TENM1: variants seen among roughly 807,000 people sequenced by gnomAD.
TENM1 encodes the protein teneurin-1.
TENM1 carries 35 observed loss-of-function variants against 174.8 expected under a neutral mutation model. That is an observed-to-expected ratio of 0.20 (90% CI 0.15 to 0.27). The LOEUF (loss-of-function observed/expected upper bound fraction) is 0.27. TENM1 is among the 10% of genes least tolerant of loss of function. The pLI is 1.00. For synonymous variants in TENM1, 781 were observed against 798.7 expected (o/e 0.98, Z 0.37); for missense variants, 1,633 against 2,130.1 (o/e 0.77, Z 4.59).
At chrX:124,673,522 A>C in intron 5 of TENM1, among the ~76,000 whole-genome samples, 2 of 111,771 alleles carry the variant, frequency 1.8e-5, no homozygotes, top group South Asian at 7.5e-4. Flanking sequence ...ATGGAGAAGA[A>C]TGAATTGGAG....
At chrX:124,376,380 A>G (rs2060103516) in exon 32 of TENM1, 1 of 112,445 alleles carries the variant, frequency 8.9e-6, no homozygotes, top group Admixed American at 9.4e-5. Context: ...AATAGTAAAG[A>G]TTTAGACGTT....
At chrX:124,626,678 A>G (rs1384040828) in intron 11 of TENM1, among the ~76,000 whole-genome samples, 1 of 112,143 alleles carries the variant, frequency 8.9e-6, no homozygotes, top group East Asian at 2.8e-4. Context: ...TGGTAGAGTT[A>G]ATCATTCCTT....
chrX:124,677,063 A>AT (rs2052107608), intron 5 of TENM1, among the ~76,000 whole-genome samples: 1 of 110,910 alleles, frequency 9.0e-6, no homozygotes, highest in Non-Finnish European at 1.9e-5. Flanking sequence ...ATATTTTTAT[A>AT]TTATTTACAC....
At chrX:125,112,003 A>G in the TENM1 span, among the ~76,000 whole-genome samples, 4 of 111,053 alleles carry the variant, frequency 3.6e-5, no homozygotes, top group Non-Finnish European at 3.8e-5. Flanking sequence ...TTCCATAATA[A>G]TCTTTCTTTA....
At chrX:124,690,155 C>T (rs1419055823) in intron 5 of TENM1, among the ~76,000 whole-genome samples, 1 of 111,501 alleles carries the variant, frequency 9.0e-6, no homozygotes, top group Admixed American at 9.5e-5. Context: ...TAATCAATTA[C>T]CACCATTCTT....
the TENM1 span, among the ~76,000 whole-genome samples, chrX:125,200,325 A>G: frequency 5.4e-5 from 6 of 111,398 alleles, no homozygotes; most frequent in African/African-American, 2.0e-4. Flanking sequence ...ATATGTGAGC[A>G]TTTCTGAAAT....
exon 10 of TENM1, chrX:124,645,277 C>T (rs374959210): frequency 1.2e-5 from 15 of 1,209,881 alleles, no homozygotes; most frequent in Admixed American, 4.4e-5. Flanking sequence ...CCAGCCATGC[C>T]GGCAGACACA....
At chrX:124,500,614 G>A (rs1361175296) in intron 19 of TENM1, among the ~76,000 whole-genome samples, 1 of 111,479 alleles carries the variant, frequency 9.0e-6, no homozygotes, top group Non-Finnish European at 1.9e-5. Context: ...AAACCCCACT[G>A]AATGGGGCTT....
intron 22 of TENM1, among the ~76,000 whole-genome samples, chrX:124,466,601 C>T (rs1373365944): frequency 2.7e-5 from 3 of 111,596 alleles, no homozygotes; most frequent in Non-Finnish European, 5.6e-5. Context: ...AAAAAGTGCC[C>T]AGCATTCGTA....
intron 14 of TENM1, among the ~76,000 whole-genome samples, chrX:124,555,280 C>T (rs948132043): frequency 1.8e-5 from 2 of 111,698 alleles, no homozygotes; most frequent in African/African-American, 6.5e-5. Context: ...CTGTCTGGAA[C>T]GTTTTTCCCC....
In TENM1 at chrX:124,684,587, A is replaced by C. The variant is rs769494456; in HGVS notation, c.1016-12752T>G. Among the ~76,000 whole-genome samples, 9 of 112,014 alleles carry C rather than the reference A, an allele frequency of 8.0e-5. No individual in the cohort carries two copies. The East Asian group carries it at 1.7e-3, about 21-fold the overall frequency. ...AAGGCCTGAGACTCCAGGCTGGTCC[A>C]CATAGACCCAAGCTCCAGGCCAACC... is the stretch of plus-strand genomic sequence containing the variant. On this transcript the variant is annotated intron_variant, in intron 5 of 31. Coordinates refer to ENST00000422452, the Ensembl canonical transcript of TENM1.
intron 6 of TENM1, among the ~76,000 whole-genome samples, chrX:124,660,669 G>A (rs894235376): frequency 7.2e-5 from 8 of 111,797 alleles, no homozygotes; most frequent in African/African-American, 2.6e-4. Flanking sequence ...AAACCACAAT[G>A]AGATACCATT....
At chrX:125,157,566 G>A in the TENM1 span, among the ~76,000 whole-genome samples, 1 of 111,777 alleles carries the variant, frequency 8.9e-6, no homozygotes, top group African/African-American at 3.3e-5. Flanking sequence ...TGGTTTCTCT[G>A]GGAGCAATTT....
At chrX:124,406,521 C>T (rs777554581) in intron 25 of TENM1, 32 bp from the exon 29 acceptor site, 47 of 1,085,894 alleles carry the variant, frequency 4.3e-5, no homozygotes, top group South Asian at 6.3e-5. Flanking sequence ...AGCTTTGAAG[C>T]GTCTCGGCAG....
intron 11 of TENM1, among the ~76,000 whole-genome samples, chrX:124,617,012 A>T (rs1002762727): frequency 1.8e-5 from 2 of 112,068 alleles, no homozygotes; most frequent in African/African-American, 6.5e-5. Flanking sequence ...AAAGATGAAG[A>T]ATCCACTGAG....
chrX:125,001,874 C>T, the TENM1 span, among the ~76,000 whole-genome samples: 5 of 104,730 alleles, frequency 4.8e-5, no homozygotes, highest in Non-Finnish European at 7.9e-5. Flanking sequence ...CACACACACA[C>T]ACACACACAC....
At chrX:124,864,382 A>G (rs1475471510) in intron 3 of TENM1, among the ~76,000 whole-genome samples, 1 of 112,117 alleles carries the variant, frequency 8.9e-6, no homozygotes, top group Admixed American at 9.5e-5. Context: ...AATCTATCAG[A>G]TAAATTTAAC....
At chrX:124,465,914 GA>G (rs2061236203) in intron 22 of TENM1, among the ~76,000 whole-genome samples, 1 of 111,280 alleles carries the variant, frequency 9.0e-6, no homozygotes, top group Non-Finnish European at 1.9e-5. Context: ...TTTGTTGCTT[GA>G]AAAACTTAAC....
intron 3 of TENM1, among the ~76,000 whole-genome samples, chrX:124,738,073 C>A (rs781237333): frequency 2.7e-5 from 3 of 111,744 alleles, no homozygotes; most frequent in South Asian, 3.8e-4. Context: ...ATGAGAAATA[C>A]CTCAATTAAA....
Sources: gnomAD v4.1 joint callset for allele counts (sites outside exome capture counted in the v4.1 genomes callset) on GRCh38, gnomAD v4.1.1 for gene constraint, MANE v1.5 for transcripts, NCBI Gene and HGNC (gene_info 2026-07-23, HGNC 2026-07-21) for gene names.